Variants in ZNF804B observed in about 807,000 individuals in gnomAD.
The protein encoded by ZNF804B is zinc finger protein 804B.
In ZNF804B, 80 loss-of-function variants were observed where a neutral mutation model predicts 101.4. That is an observed-to-expected ratio of 0.79 (90% CI 0.66 to 0.95). ZNF804B has a LOEUF of 0.95. ZNF804B is among the 40% of genes least tolerant of loss of function. The pLI, the probability that ZNF804B is intolerant of heterozygous loss-of-function variation, is 0.00. For missense variants in ZNF804B, 1,673 were observed against 1,561.9 expected, an observed-to-expected ratio of 1.07 and a Z score of -1.20; for synonymous variants, 622 against 558.8, an observed-to-expected ratio of 1.11 and a Z score of -1.59.
chr7:88,925,355 G>A (rs1339249718), intron 1 of ZNF804B, among the ~76,000 whole-genome samples: 1 of 152,010 alleles, frequency 6.6e-6, no homozygotes, highest in Admixed American at 6.6e-5. Context: ...CCTAACCCCA[G>A]TACTTCAAAA....
chr7:89,087,899 A>T (rs887362223), intron 1 of ZNF804B, among the ~76,000 whole-genome samples: 3 of 151,818 alleles, frequency 2.0e-5, no homozygotes, highest in African/African-American at 7.2e-5. Context: ...TCCATGTTCA[A>T]TTAGAAAATC....
Position 89,336,708 on chromosome 7 carries a change from T to C in ZNF804B, c.3726T>C (p.His1242=). ...ATCTACATCCTCTTTCACAGGCACA[T>C]TTCAGTCCTATTTCATTTTCGACTC... is the stretch of plus-strand genomic sequence containing the variant. ...IAHLHPLSQA[H]FSPISFSTLT... Residue 1242 remains histidine, a synonymous_variant, in exon 4 of 4, where the codon CAT becomes CAC. Transcript: ENST00000333190. 1 of 1,614,112 alleles carries C rather than the reference T, an allele frequency of 6.2e-7. No homozygotes were observed. Among genetic ancestry groups the C allele is most frequent in the Non-Finnish European group, 8.5e-7 (1 of 1,180,012 alleles).
At chr7:88,994,068 AT>A (rs752944315) in intron 1 of ZNF804B, among the ~76,000 whole-genome samples, 3 of 152,056 alleles carry the variant, frequency 2.0e-5, no homozygotes, top group East Asian at 3.9e-4. Context: ...GTTTTTCCTT[AT>A]TGATTCTTCA....
At chr7:89,329,789 T>G (rs1384562909) in intron 3 of ZNF804B, among the ~76,000 whole-genome samples, 1 of 151,634 alleles carries the variant, frequency 6.6e-6, no homozygotes, top group Non-Finnish European at 1.5e-5. Flanking sequence ...GGCCACTGAT[T>G]CTGAGACTAT....
At chr7:89,070,818 A>G (rs1198678273) in intron 1 of ZNF804B, among the ~76,000 whole-genome samples, 2 of 152,040 alleles carry the variant, frequency 1.3e-5, no homozygotes, top group East Asian at 1.9e-4. Context: ...CTGCCCCTTA[A>G]TGGGCATTCA....
In ZNF804B at chr7:89,171,802, A is replaced by G. The variant is rs1379899654; in HGVS notation, c.109-46353A>G. Among the ~76,000 whole-genome samples the G allele has an allele frequency of 3.3e-5, 5 of 152,118 alleles. No individual in the cohort carries two copies. The South Asian group carries it at 8.3e-4, about 25-fold the overall frequency. ...TTAATTTGTTCAAATTCCAATAGCT[A>G]GTGTTGGCAAATGTGATCCGAGCCT... On this transcript the variant is annotated intron_variant, in intron 1 of 3. Transcript: ENST00000333190.
At chr7:88,926,878 A>AT (rs532816609) in intron 1 of ZNF804B, among the ~76,000 whole-genome samples, 2 of 137,586 alleles carry the variant, frequency 1.5e-5, no homozygotes, top group African/African-American at 2.8e-5. Flanking sequence ...TTTTTGCTAA[A>AT]TTTTTTTTTC....
chr7:89,053,703 T>G (rs957198551), intron 1 of ZNF804B, among the ~76,000 whole-genome samples: 1 of 152,030 alleles, frequency 6.6e-6, no homozygotes, highest in Non-Finnish European at 1.5e-5. Context: ...TCGCTTTTCT[T>G]CTTTGCATTT....
intron 1 of ZNF804B, among the ~76,000 whole-genome samples, chr7:89,075,719 A>T (rs1008088181): frequency 6.6e-6 from 1 of 152,216 alleles, no homozygotes; most frequent in South Asian, 2.1e-4. Context: ...CCAGAATGGT[A>T]GATAACACTG....
chr7:89,045,246 C>T (rs2078797), intron 1 of ZNF804B, among the ~76,000 whole-genome samples: 115,306 of 152,044 alleles, frequency 0.76, 43,795 homozygotes, highest in Middle Eastern at 0.77. Flanking sequence ...TTTCAGACGA[C>T]GTATGGAAAT....
At chr7:89,298,169 CAT>C (rs1562940104) in intron 2 of ZNF804B, among the ~76,000 whole-genome samples, 16 of 65,826 alleles carry the variant, frequency 2.4e-4, no homozygotes, top group African/African-American at 3.9e-4. Context: ...ATATATATTT[CAT>C]ATATATATAG....
At chr7:89,229,081 A>T (rs1393958434) in intron 2 of ZNF804B, among the ~76,000 whole-genome samples, 1 of 151,472 alleles carries the variant, frequency 6.6e-6, no homozygotes, top group Non-Finnish European at 1.5e-5. Context: ...AGCACCACGC[A>T]CAGACCCGGT....
At chr7:89,261,513 T>C (rs1316232222) in intron 2 of ZNF804B, among the ~76,000 whole-genome samples, 1 of 152,178 alleles carries the variant, frequency 6.6e-6, no homozygotes. Flanking sequence ...CAAGGGTCAA[T>C]AGTACACATA....
chr7:89,105,435 T>C (rs747823568), intron 1 of ZNF804B, among the ~76,000 whole-genome samples: 3 of 152,074 alleles, frequency 2.0e-5, no homozygotes, highest in Non-Finnish European at 4.4e-5. Flanking sequence ...TTTCATACCA[T>C]GGGTGACCAC....
intron 2 of ZNF804B, among the ~76,000 whole-genome samples, chr7:89,311,007 G>A (rs1790643612): frequency 1.3e-5 from 2 of 151,876 alleles, no homozygotes; most frequent in African/African-American, 4.8e-5. Context: ...TAGTGCAAAT[G>A]CATTTCTTTC....
rs567923964 is a variant in ZNF804B, at chr7:89,076,515, A to G, written c.109-141640A>G. On this transcript the variant is annotated intron_variant, in intron 1 of 3. Transcript: ENST00000333190. Reference sequence around the variant, plus strand: ...TAAACCTCTTTTTCTTCCCAGTCTCAGGTATGTCTTCATCAGCAGCATGAA... The same window carrying G: ...TAAACCTCTTTTTCTTCCCAGTCTCGGGTATGTCTTCATCAGCAGCATGAA... Among the ~76,000 whole-genome samples the G allele has an allele frequency of 3.9e-4, 60 of 152,248 alleles. 1 individual carries two copies. The highest frequency in any genetic ancestry group is 1.2e-3 in the Admixed American group (19 of 15,280).
chr7:88,836,738 C>T (rs1361938456), intron 1 of ZNF804B, among the ~76,000 whole-genome samples: 1 of 151,834 alleles, frequency 6.6e-6, no homozygotes. Context: ...ATGCAATTCG[C>T]TCTTTCCCAG....
chr7:88,903,897 T>G lies in ZNF804B; in HGVS notation c.108+143813T>G, dbSNP rs113341893. On this transcript the variant is annotated intron_variant, in intron 1 of 3. Coordinates refer to ENST00000333190, the MANE Select transcript of ZNF804B (RefSeq NM_181646.5). Reference sequence around the variant, plus strand: ...GAATATTTTCTGCCATTCTGTAGGTTTTCTGTTTACTCTGCTGATAGTTTC... The same window carrying G: ...GAATATTTTCTGCCATTCTGTAGGTGTTCTGTTTACTCTGCTGATAGTTTC... Among the ~76,000 whole-genome samples, 309 of 152,286 alleles carry G rather than the reference T, an allele frequency of 2.0e-3. 1 individual carries two copies. Among genetic ancestry groups the G allele is most frequent in the African/African-American group, 7.3e-3 (305 of 41,566 alleles).
chr7:88,830,852 C>A (rs897401184), intron 1 of ZNF804B, among the ~76,000 whole-genome samples: 6 of 151,834 alleles, frequency 4.0e-5, no homozygotes, highest in African/African-American at 1.4e-4. Flanking sequence ...AGTTTAATTA[C>A]AATTTTTATA....
Sources: gnomAD v4.1 joint callset for allele counts (sites outside exome capture counted in the v4.1 genomes callset) on GRCh38, gnomAD v4.1.1 for gene constraint, MANE v1.5 for transcripts, NCBI Gene and HGNC (gene_info 2026-07-23, HGNC 2026-07-21) for gene names.